The following RPH3A variants were observed in gnomAD, a reference collection of about 807,000 sequenced individuals.
The protein encoded by RPH3A is rabphilin 3A.
A neutral mutation model predicts 102.2 loss-of-function variants in RPH3A; 48 were observed. That is an observed-to-expected ratio of 0.47 (90% CI 0.37 to 0.60). The LOEUF is 0.60. Among genes scored for constraint, RPH3A ranks in the 20% least tolerant of loss-of-function variants. RPH3A has a pLI of 0.00. For missense variants in RPH3A, 781 were observed against 910.1 expected (o/e 0.86, Z 1.83); for synonymous variants, 310 against 324.3 (o/e 0.96, Z 0.47).
intron 1 of RPH3A, among the ~76,000 whole-genome samples, chr12:112,602,649 C>T (rs958012075): frequency 2.6e-5 from 4 of 152,002 alleles, no homozygotes; most frequent in Admixed American, 6.6e-5. Flanking sequence ...ATTAACCAGG[C>T]GTGGTGGTGC....
chr12:112,594,183 A>G (rs903910137), intron 1 of RPH3A, among the ~76,000 whole-genome samples: 4 of 152,188 alleles, frequency 2.6e-5, no homozygotes, highest in African/African-American at 9.7e-5. Flanking sequence ...ATTTGTACAA[A>G]AAGGGTGCTT....
chr12:112,819,256 C>G (rs2041735286), intron 2 of RPH3A, among the ~76,000 whole-genome samples: 1 of 152,000 alleles, frequency 6.6e-6, no homozygotes, highest in African/African-American at 2.4e-5. Context: ...CAGGCATGCA[C>G]CACCATGCCC....
chr12:112,700,005 G>GT (rs368321007), intron 1 of RPH3A, among the ~76,000 whole-genome samples: 255 of 151,668 alleles, frequency 1.7e-3, no homozygotes, highest in African/African-American at 5.8e-3. Flanking sequence ...GCCATGCTGA[G>GT]TTTTTTTTAC....
At chr12:112,746,414 C>T (rs1236628933) in intron 1 of RPH3A, among the ~76,000 whole-genome samples, 1 of 152,020 alleles carries the variant, frequency 6.6e-6, no homozygotes, top group Non-Finnish European at 1.5e-5. Context: ...GTGTAGAAGC[C>T]AGACCTCCAA....
chr12:112,633,029 TA>T (rs1004304119), intron 1 of RPH3A, among the ~76,000 whole-genome samples: 564 of 142,930 alleles, frequency 3.9e-3, no homozygotes, highest in Non-Finnish European at 5.4e-3. Flanking sequence ...CCTGTCTCTC[TA>T]AAAAAAAAAA....
chr12:112,873,277 G>A (rs1033633007), intron 10 of RPH3A, among the ~76,000 whole-genome samples: 1 of 152,214 alleles, frequency 6.6e-6, no homozygotes, highest in Non-Finnish European at 1.5e-5. Flanking sequence ...TCACATAATA[G>A]ATGCAGCAAA....
At chr12:112,735,588 T>C (rs1386767230) in intron 1 of RPH3A, among the ~76,000 whole-genome samples, 3 of 152,202 alleles carry the variant, frequency 2.0e-5, no homozygotes, top group Non-Finnish European at 4.4e-5. Flanking sequence ...CGGAGGCTAA[T>C]TGTTTTTTGA....
intron 1 of RPH3A, among the ~76,000 whole-genome samples, chr12:112,685,810 T>A (rs1354191262): frequency 3.3e-5 from 5 of 152,202 alleles, no homozygotes; most frequent in Non-Finnish European, 7.3e-5. Context: ...TTTCTTCAAA[T>A]GTCTGATGAT....
At chr12:112,724,319 C>A (rs1037338081) in intron 1 of RPH3A, among the ~76,000 whole-genome samples, 5 of 152,144 alleles carry the variant, frequency 3.3e-5, no homozygotes, top group Non-Finnish European at 5.9e-5. Flanking sequence ...CCTGCCCCAA[C>A]CTCTGAAAGT....
chr12:112,862,194 C>T (rs1435723570), intron 5 of RPH3A, among the ~76,000 whole-genome samples: 2 of 151,634 alleles, frequency 1.3e-5, no homozygotes, highest in Admixed American at 6.6e-5. Flanking sequence ...CATGTAAGAT[C>T]GTACCATTGC....
intron 14 of RPH3A, 106 bp from the exon 15 acceptor site, chr12:112,881,666 G>A (rs886476): frequency 0.42 from 287,249 of 684,268 alleles, 64,195 homozygotes; most frequent in African/African-American, 0.65. Context: ...AGCACACAGC[G>A]TGGACCAACA....
At chr12:112,830,795 T>G (rs73427037) in intron 3 of RPH3A, among the ~76,000 whole-genome samples, 1 of 147,434 alleles carries the variant, frequency 6.8e-6, no homozygotes, top group East Asian at 2.0e-4. Flanking sequence ...CTTTCTTTAG[T>G]TTTTTTTTTA....
intron 2 of RPH3A, among the ~76,000 whole-genome samples, chr12:112,814,508 G>C (rs1477397830): frequency 6.6e-6 from 1 of 152,180 alleles, no homozygotes; most frequent in Non-Finnish European, 1.5e-5. Flanking sequence ...TTAGAAAGCT[G>C]TTTCTTATCT....
intron 1 of RPH3A, among the ~76,000 whole-genome samples, chr12:112,614,034 C>A (rs767037653): frequency 6.6e-6 from 1 of 152,052 alleles, no homozygotes; most frequent in Non-Finnish European, 1.5e-5. Flanking sequence ...GAGGAAGGGA[C>A]CACGAGCCAA....
intron 1 of RPH3A, among the ~76,000 whole-genome samples, chr12:112,777,647 T>G (rs3803061): frequency 0.81 from 123,185 of 152,182 alleles, 49,991 homozygotes; most frequent in African/African-American, 0.88. Flanking sequence ...CAAGAAAGGG[T>G]AGTTAATTGC....
intron 1 of RPH3A, among the ~76,000 whole-genome samples, chr12:112,782,363 T>A (rs1047767311): frequency 6.6e-6 from 1 of 152,252 alleles, no homozygotes; most frequent in Admixed American, 6.5e-5. Context: ...AATTTGTTGT[T>A]ATCATCCTTC....
chr12:112,749,878 T>C (rs1486910947), intron 1 of RPH3A, among the ~76,000 whole-genome samples: 2 of 152,162 alleles, frequency 1.3e-5, no homozygotes, highest in Non-Finnish European at 2.9e-5. Context: ...TAGAGTTCTC[T>C]CTTTTTGTTT....
At chr12:112,733,222 C>A (rs1292473155) in intron 1 of RPH3A, among the ~76,000 whole-genome samples, 2 of 152,170 alleles carry the variant, frequency 1.3e-5, no homozygotes, top group Non-Finnish European at 2.9e-5. Context: ...TGCACACATA[C>A]CTGCATATAC....
chr12:112,805,740 A>G (rs2041447994), intron 2 of RPH3A, among the ~76,000 whole-genome samples: 1 of 152,324 alleles, frequency 6.6e-6, no homozygotes, highest in East Asian at 1.9e-4. Flanking sequence ...TTTTTTAAAA[A>G]GGGGATAATT....
Sources: allele counts gnomAD v4.1 joint callset (sites outside exome capture counted in the v4.1 genomes callset), GRCh38; gene constraint gnomAD v4.1.1; transcripts MANE v1.5; gene names NCBI Gene and HGNC (gene_info 2026-07-23, HGNC 2026-07-21).